RGS12: variants seen among roughly 807,000 people sequenced by gnomAD.
The protein encoded by RGS12 is regulator of G protein signaling 12.
In RGS12, 66 loss-of-function variants were observed where a neutral mutation model predicts 120.1. The observed-to-expected ratio is 0.55, with a 90% confidence interval of 0.45 to 0.67. The LOEUF (loss-of-function observed/expected upper bound fraction) is 0.67. Among genes scored for constraint, RGS12 ranks in the 30% least tolerant of loss-of-function variants. RGS12 has a pLI of 0.00. For synonymous variants in RGS12, 827 were observed against 804.7 expected (o/e 1.03, Z -0.47); for missense variants, 1,859 against 1,957.7 (o/e 0.95, Z 0.95).
intron 13 of RGS12, 25 bp from the exon 14 acceptor site, chr4:3,425,439 T>G (rs750987950): frequency 1.2e-5 from 19 of 1,590,630 alleles, no homozygotes; most frequent in Non-Finnish European, 1.5e-5. Context: ...CTGGGTAAAT[T>G]ATTCAGTGCT....
chr4:3,378,864 A>G (rs769453592), intron 3 of RGS12, among the ~76,000 whole-genome samples: 3 of 152,214 alleles, frequency 2.0e-5, no homozygotes, highest in African/African-American at 4.8e-5. Flanking sequence ...AAAATTAAAT[A>G]TGGAACTACC....
At chr4:3,309,921 AC>A (rs1186914997) in intron 1 of RGS12, among the ~76,000 whole-genome samples, 3 of 128,472 alleles carry the variant, frequency 2.3e-5, no homozygotes, top group African/African-American at 9.2e-5. Context: ...AGGAGCTGGG[AC>A]CCTGGAATGG....
rs372619200 is a variant in RGS12, at chr4:3,347,335, TCGGGAGGGTGAGG to T, written c.1998+4284_1998+4296del. ...GGTGGGCGCCTGTATTCTCAGCTAC[TCGGGAGGGTGAGG>T]CCGGAGAATGGCGTGATCCTGGGAG... On this transcript the variant is annotated intron_variant, in intron 3 of 17. Transcript: ENST00000336727. Among the ~76,000 whole-genome samples the T allele has an allele frequency of 2.6e-4, 39 of 152,008 alleles. 1 individual carries two copies. The East Asian group carries it at 3.7e-3, about 14-fold the overall frequency.
intron 17 of RGS12, among the ~76,000 whole-genome samples, chr4:3,436,818 A>AG (rs1724852489): frequency 6.6e-6 from 1 of 152,168 alleles, no homozygotes; most frequent in African/African-American, 2.4e-5. Flanking sequence ...GGCCTCCAGC[A>AG]GGACCCCCTC....
intron 3 of RGS12, among the ~76,000 whole-genome samples, chr4:3,358,866 G>GCCTCCCCCTTCTCTCCTT (rs1715145521): frequency 1.1e-5 from 1 of 90,226 alleles, no homozygotes; most frequent in Non-Finnish European, 2.3e-5. Flanking sequence ...CCCCTCCTCC[G>GCCTCCCCCTTCTCTCCTT]CCTCCCCCTT....
chr4:3,324,028 A>G (rs1725390882), intron 2 of RGS12: 1 of 152,296 alleles, frequency 6.6e-6, no homozygotes, highest in South Asian at 2.1e-4. Context: ...CAGCTTGGCA[A>G]CGTGAGCCAC....
chr4:3,397,324 G>A (rs148338514), intron 4 of RGS12, among the ~76,000 whole-genome samples: 9 of 152,350 alleles, frequency 5.9e-5, no homozygotes, highest in East Asian at 1.9e-4. Flanking sequence ...GTGCAAGTGC[G>A]TGGCCGGGCC....
intron 14 of RGS12, among the ~76,000 whole-genome samples, chr4:3,427,749 A>G (rs1723806219): frequency 6.6e-6 from 1 of 152,202 alleles, no homozygotes; most frequent in African/African-American, 2.4e-5. Context: ...AAAAGAAAAA[A>G]AAGAAAGAAA....
chr4:3,391,130 C>G (rs552888093), intron 4 of RGS12, among the ~76,000 whole-genome samples: 25 of 152,272 alleles, frequency 1.6e-4, no homozygotes, highest in African/African-American at 6.0e-4. Flanking sequence ...AACCAGAACC[C>G]TTTACTTGAT....
In RGS12 at chr4:3,317,539, T is replaced by G. The variant is rs1415376581; in HGVS notation, c.1369T>G (p.Trp457Gly). 1.2e-6 allele frequency: 2 copies of G among 1,610,068 alleles called. No individual in the cohort carries two copies. Among genetic ancestry groups the G allele is most frequent in the East Asian group, 4.5e-5 (2 of 44,854 alleles). Residue 457 changes from tryptophan to glycine, a missense_variant, in exon 2 of 18, where the codon TGG (tryptophan) becomes GGG (glycine). By Grantham distance (184) the Trp-to-Gly change is radical. Around this residue, in one of 3 missense-constraint regions of RGS12, gnomAD observed 967 missense variants for 994.2 expected, o/e 0.97. Transcript: ENST00000336727. Reference sequence around the variant, plus strand: ...CAGACACGGCCCCGGAGGCAGCGCGTGGGACGGTGTGGGTGGGAGGGGTGC... The same window carrying G: ...CAGACACGGCCCCGGAGGCAGCGCGGGGGACGGTGTGGGTGGGAGGGGTGC... ...SSRHGPGGSAWDGVGGRGAQP... is the reference protein window; with the variant it reads ...SSRHGPGGSAGDGVGGRGAQP...
rs2109253473 is a variant in RGS12 at position 3,433,700 on chromosome 4, GC to G, written c.4114+2747del. On this transcript the variant is annotated intron_variant, in intron 17 of 17. Transcript: ENST00000336727. This position sits in a 1 kb window ranked among gnomAD's most constrained non-coding sequence, Gnocchi z 4.4. ...CGTGGTGCTCCACCACGCCCTTCTA[GC>G]CTCAGCGTCATGCACCGCACCGCCC... Among the ~76,000 whole-genome samples, 1 of 150,748 alleles carries G rather than the reference GC, an allele frequency of 6.6e-6. No individual in the cohort carries two copies. The highest frequency in any genetic ancestry group is 2.0e-4 in the East Asian group (1 of 5,096).
chr4:3,311,203 A>G (rs545200799), intron 1 of RGS12, among the ~76,000 whole-genome samples: 1 of 151,182 alleles, frequency 6.6e-6, no homozygotes, highest in African/African-American at 2.4e-5. Context: ...CTCGCCTCAC[A>G]CTGTGTGCAC....
chr4:3,325,167 A>G (rs1358347721), intron 2 of RGS12, among the ~76,000 whole-genome samples: 2 of 152,202 alleles, frequency 1.3e-5, no homozygotes, highest in African/African-American at 2.4e-5. Context: ...TGATTTATGC[A>G]TGCTTGGAGG....
At chr4:3,331,121 C>G (rs1284685348) in intron 2 of RGS12, among the ~76,000 whole-genome samples, 1 of 152,128 alleles carries the variant, frequency 6.6e-6, no homozygotes, top group Non-Finnish European at 1.5e-5. Flanking sequence ...GGAAAAGCTC[C>G]CAAGGGCATA....
rs764394126 is a variant in RGS12, at chr4:3,430,912, G to A, written c.4071G>A (p.Pro1357=). The A allele has an allele frequency of 1.3e-4, 213 of 1,612,590 alleles. No homozygotes were observed. The highest frequency in any genetic ancestry group is 2.8e-4 in the Admixed American group (17 of 59,994). The change falls in exon 17 of 18, where the codon CCG becomes CCA. Residue 1357 remains proline (P), a synonymous_variant. Transcript: ENST00000336727. ...GCAGCCCCAACAGCACCTTGCTGCC[G>A]CCGCCCTCCACCCCCCAGGAAGTGC... ...DISSPNSTLL[P]PPSTPQEVPG... is the part of the protein sequence containing the mutation.
intron 17 of RGS12, chr4:3,431,677 C>T (rs1724319962): frequency 2.4e-5 from 24 of 985,598 alleles, no homozygotes; most frequent in Non-Finnish European, 2.7e-5. Flanking sequence ...AAAGGTGTTT[C>T]CAGGGGTCCG....
intron 16 of RGS12, among the ~76,000 whole-genome samples, chr4:3,430,108 A>G (rs531661692): frequency 6.6e-6 from 1 of 152,354 alleles, no homozygotes; most frequent in East Asian, 1.9e-4. Context: ...AGACGGCATC[A>G]GCGCGTAACC....
At chr4:3,362,763 GAGGGTGTGAGTT>G (rs1360815404) in intron 3 of RGS12, among the ~76,000 whole-genome samples, 1 of 148,104 alleles carries the variant, frequency 6.8e-6, no homozygotes, top group Non-Finnish European at 1.5e-5. Context: ...GTGAAGATGT[GAGGGTGTGAGTT>G]AGGGTGTGTG....
chr4:3,382,902 G>A (rs80227614), intron 3 of RGS12, among the ~76,000 whole-genome samples: 1,852 of 152,184 alleles, frequency 0.012, 34 homozygotes, highest in African/African-American at 0.042. Context: ...GTTACTCAAC[G>A]CTCTGCATTA....
Sources: gnomAD v4.1 joint callset for allele counts (sites outside exome capture counted in the v4.1 genomes callset) on GRCh38, gnomAD v4.1.1 for gene constraint, gnomAD v4.1.1 regional missense constraint, Gnocchi (gnomAD v3.1) non-coding constraint, MANE v1.5 for transcripts, NCBI Gene and HGNC (gene_info 2026-07-23, HGNC 2026-07-21) for gene names.